HS6ST2: variants seen among roughly 807,000 people sequenced by gnomAD.
The protein encoded by HS6ST2 is heparan sulfate 6-O-sulfotransferase 2, also known as heparan-sulfate 6-O-sulfotransferase 2.
HS6ST2 carries 17 observed loss-of-function variants against 33.0 expected under a neutral mutation model. The ratio of observed to expected loss-of-function variants is 0.52; its 90% confidence interval spans 0.35 to 0.77. HS6ST2 has a LOEUF of 0.77. Ranked by LOEUF, HS6ST2 falls within the 30% of genes least tolerant of loss-of-function variation. HS6ST2 has a pLI of 0.01. For synonymous variants in HS6ST2, 248 were observed against 237.1 expected (o/e 1.05, Z -0.42); for missense variants, 519 against 551.7 (o/e 0.94, Z 0.59).
chrX:132,657,566 C>T (rs1459307507), intron 4 of HS6ST2, among the ~76,000 whole-genome samples: 1 of 109,339 alleles, frequency 9.1e-6, no homozygotes, highest in South Asian at 4.1e-4. Flanking sequence ...TTACTGAAAA[C>T]CACCATGAAG....
intron 2 of HS6ST2, among the ~76,000 whole-genome samples, chrX:132,849,490 A>T (rs919670067): frequency 2.7e-5 from 3 of 111,996 alleles, no homozygotes; most frequent in African/African-American, 9.7e-5. Flanking sequence ...GACTGCTGGG[A>T]AACACTGTAC....
intron 2 of HS6ST2, among the ~76,000 whole-genome samples, chrX:132,880,779 C>G (rs1244262590): frequency 1.1e-5 from 1 of 88,936 alleles, no homozygotes; most frequent in Non-Finnish European, 2.2e-5. Context: ...CCTCCCCCCT[C>G]CCCCCACCCC....
At chrX:132,805,202 C>T (rs1028131060) in intron 2 of HS6ST2, among the ~76,000 whole-genome samples, 5 of 111,783 alleles carry the variant, frequency 4.5e-5, no homozygotes, top group Non-Finnish European at 9.4e-5. Flanking sequence ...TCTATACACA[C>T]ATGGCCACCT....
chrX:132,702,265 T>C lies in HS6ST2; in HGVS notation c.980+6197A>G, dbSNP rs1285656968. Among the ~76,000 whole-genome samples the C allele has an allele frequency of 1.2e-4, 13 of 112,879 alleles. No individual in the cohort carries two copies. In the Middle Eastern group the frequency reaches 0.014, roughly 119 times the overall value. The stretch of plus-strand genomic sequence containing the variant: ...ACAATAGCTTTTCCCTTTACAGAAA[T>C]AGGCAAAGCCAAATGCTTACTAACT... On this transcript the variant is annotated intron_variant, in intron 3 of 4. Coordinates refer to ENST00000370833, the MANE Select transcript of HS6ST2 (RefSeq NM_001394073.1).
intron 4 of HS6ST2, among the ~76,000 whole-genome samples, chrX:132,637,812 TTTTATATATATA>T (rs2063561743): frequency 1.6e-5 from 1 of 63,400 alleles, no homozygotes; most frequent in Admixed American, 2.6e-4. Flanking sequence ...TTATATATTA[TTTTATATATATA>T]ATATTATATA....
In HS6ST2 at chrX:132,879,355, A is replaced by T. The variant is rs951422227; in HGVS notation, c.947+77453T>A. Among the ~76,000 whole-genome samples, 3 of 111,924 alleles carry T rather than the reference A, an allele frequency of 2.7e-5. No individual in the cohort carries two copies. In the Admixed American group the frequency reaches 2.9e-4, roughly 11 times the overall value. On this transcript the variant is annotated intron_variant, in intron 2 of 4. Coordinates refer to ENST00000370833, the MANE Select transcript of HS6ST2 (RefSeq NM_001394073.1). ...GCCACCCATCATAGAAATCCTGTGC[A>T]TCATAAAGAAGAAAGCTTGTTCTAA...
chrX:132,947,003 C>A (rs1361291480), intron 2 of HS6ST2, among the ~76,000 whole-genome samples: 2 of 111,564 alleles, frequency 1.8e-5, no homozygotes, highest in African/African-American at 6.5e-5. Context: ...ATATAGCAAA[C>A]TACTAACGTT....
chrX:132,871,512 A>T (rs1490586539), intron 2 of HS6ST2, among the ~76,000 whole-genome samples: 7 of 111,792 alleles, frequency 6.3e-5, no homozygotes, highest in Non-Finnish European at 1.3e-4. Flanking sequence ...TCACAATAGC[A>T]AAGTTTTGGA....
chrX:132,794,264 G>A (rs2065150073), intron 2 of HS6ST2, among the ~76,000 whole-genome samples: 1 of 111,731 alleles, frequency 9.0e-6, no homozygotes, highest in Admixed American at 9.5e-5. Flanking sequence ...TCCACCAAGG[G>A]GATAGCACCA....
chrX:132,803,978 A>T (rs1602694995), intron 2 of HS6ST2, among the ~76,000 whole-genome samples: 1 of 112,058 alleles, frequency 8.9e-6, no homozygotes, highest in East Asian at 2.8e-4. Context: ...GAAACAGCTT[A>T]AAAACAGCTC....
chrX:132,874,687 G>A (rs1569499569), intron 2 of HS6ST2, among the ~76,000 whole-genome samples: 1 of 112,223 alleles, frequency 8.9e-6, no homozygotes, highest in East Asian at 2.8e-4. Flanking sequence ...CCAGATCATA[G>A]TCAAACTCCG....
At chrX:132,667,667 C>T (rs1278704629) in intron 4 of HS6ST2, 1 of 112,202 alleles carries the variant, frequency 8.9e-6, no homozygotes, top group Non-Finnish European at 1.9e-5. Context: ...TCACAAACAT[C>T]CATAATTATA....
At chrX:132,945,047 T>C (rs1326048829) in intron 2 of HS6ST2, among the ~76,000 whole-genome samples, 3 of 111,621 alleles carry the variant, frequency 2.7e-5, no homozygotes, top group African/African-American at 9.8e-5. Flanking sequence ...CAAAAGAAAC[T>C]ACCATCAGAG....
chrX:132,926,181 T>A (rs936556194), intron 2 of HS6ST2, among the ~76,000 whole-genome samples: 4 of 112,717 alleles, frequency 3.5e-5, no homozygotes, highest in Non-Finnish European at 5.6e-5. Flanking sequence ...GAAATCTGCG[T>A]TTTTGGAGAG....
chrX:132,628,583 C>T lies in HS6ST2; in HGVS notation c.1578G>A (p.Glu526=). The stretch of plus-strand genomic sequence containing the variant: ...AAAGGTCTTTGGCATAGCTGTACAA[C>T]TCCATATCCAGAAAATTCAGTCCCT... ...RIEGLNFLDM[E]LYSYAKDLFL... The change falls in exon 5 of 5, where the codon GAG becomes GAA. Residue 526 remains glutamate, a synonymous_variant. Transcript: ENST00000370833. 8.3e-7 allele frequency: 1 copy of T among 1,211,573 alleles called. No individual in the cohort carries two copies. The highest frequency in any genetic ancestry group is 1.1e-6 in the Non-Finnish European group (1 of 895,401).
chrX:132,804,177 G>A (rs1412143004), intron 2 of HS6ST2, among the ~76,000 whole-genome samples: 1 of 112,234 alleles, frequency 8.9e-6, no homozygotes, highest in East Asian at 2.8e-4. Context: ...CTGTTGACAG[G>A]TTTTCTCCCT....
At chrX:132,939,875 A>G (rs2066869501) in intron 2 of HS6ST2, among the ~76,000 whole-genome samples, 1 of 111,630 alleles carries the variant, frequency 9.0e-6, no homozygotes, top group East Asian at 2.8e-4. Flanking sequence ...ATACTCCCCA[A>G]AATTGATCTA....
intron 3 of HS6ST2, among the ~76,000 whole-genome samples, chrX:132,705,405 G>C (rs752415343): frequency 2.7e-5 from 3 of 111,509 alleles, no homozygotes; most frequent in Admixed American, 1.9e-4. Context: ...TAACCTTTGG[G>C]AAAGCAGTCT....
chrX:132,830,121 C>G (rs2065574174), intron 2 of HS6ST2, among the ~76,000 whole-genome samples: 3 of 111,815 alleles, frequency 2.7e-5, no homozygotes, highest in South Asian at 7.5e-4. Flanking sequence ...CTGGATGGAT[C>G]TGCCCTTAAC....
Sources: gnomAD v4.1 joint callset for allele counts (sites outside exome capture counted in the v4.1 genomes callset) on GRCh38, gnomAD v4.1.1 for gene constraint, MANE v1.5 for transcripts, NCBI Gene and HGNC (gene_info 2026-07-23, HGNC 2026-07-21) for gene names.